The following NAALADL2 variants were observed in gnomAD, a reference collection of about 807,000 sequenced individuals.
The protein encoded by NAALADL2 is N-acetylated alpha-linked acidic dipeptidase like 2.
NAALADL2 carries 76 observed loss-of-function variants against 87.2 expected under a neutral mutation model. The ratio of observed to expected loss-of-function variants is 0.87; its 90% confidence interval spans 0.72 to 1.05. NAALADL2 has a LOEUF of 1.05. Among genes scored for constraint, NAALADL2 ranks in the 50% least tolerant of loss-of-function variants. The probability of loss-of-function intolerance (pLI) is 0.00; values close to 1 mark genes in which losing one functional copy is unlikely to be tolerated. For missense variants in NAALADL2, 1,089 were observed against 945.8 expected (o/e 1.15, Z -1.99); for synonymous variants, 354 against 331.0 (o/e 1.07, Z -0.75).
chr3:175,350,055 G>GAC (rs533196077), intron 5 of NAALADL2, among the ~76,000 whole-genome samples: 3 of 142,422 alleles, frequency 2.1e-5, no homozygotes, highest in African/African-American at 7.8e-5. Context: ...AGGCTTGATT[G>GAC]AAAAAAAAAA....
At chr3:175,096,584 T>C (rs906021317) in intron 1 of NAALADL2, among the ~76,000 whole-genome samples, 4 of 151,652 alleles carry the variant, frequency 2.6e-5, no homozygotes, top group Admixed American at 6.6e-5. Context: ...TCTACTTTCA[T>C]TTTTCTTTTG....
intron 2 of NAALADL2, among the ~76,000 whole-genome samples, chr3:175,104,294 C>A (rs1249180030): frequency 6.6e-6 from 1 of 152,090 alleles, no homozygotes; most frequent in African/African-American, 2.4e-5. Flanking sequence ...GCTGTGGAAT[C>A]CATGAAGAAC....
chr3:174,562,050 A>G (rs537381243), intron 2 of NAALADL2, among the ~76,000 whole-genome samples: 1 of 152,282 alleles, frequency 6.6e-6, no homozygotes, highest in Non-Finnish European at 1.5e-5. Flanking sequence ...CTACTAAATT[A>G]TTTTTAAAAG....
intron 1 of NAALADL2, among the ~76,000 whole-genome samples, chr3:175,013,000 TA>T (rs1750058499): frequency 8.2e-6 from 1 of 121,558 alleles, no homozygotes; most frequent in Non-Finnish European, 1.6e-5. Flanking sequence ...TATATACATA[TA>T]TATGTACATA....
chr3:175,520,005 A>C (rs1009918981), intron 9 of NAALADL2, among the ~76,000 whole-genome samples: 17 of 152,210 alleles, frequency 1.1e-4, no homozygotes, highest in Admixed American at 1.1e-3. Flanking sequence ...TTGAAGACTT[A>C]TCTGTGGGTT....
At chr3:175,169,472 T>TATATATATAA (rs1222830204) in intron 2 of NAALADL2, among the ~76,000 whole-genome samples, 50 of 151,010 alleles carry the variant, frequency 3.3e-4, no homozygotes, top group Middle Eastern at 6.9e-3. Flanking sequence ...TATATATATA[T>TATATATATAA]AATCTGTTGA....
intron 2 of NAALADL2, among the ~76,000 whole-genome samples, chr3:174,689,932 T>G (rs1252597755): frequency 1.3e-5 from 2 of 151,596 alleles, no homozygotes; most frequent in Non-Finnish European, 2.9e-5. Flanking sequence ...TACTGTACCT[T>G]TTCATGCATA....
At chr3:174,787,203 A>G (rs148623752) in intron 3 of NAALADL2, among the ~76,000 whole-genome samples, 1 of 152,034 alleles carries the variant, frequency 6.6e-6, no homozygotes, top group African/African-American at 2.4e-5. Context: ...ACATGATAAA[A>G]TTTTTATTTT....
chr3:175,763,510 T>A (rs1748307670), intron 13 of NAALADL2, among the ~76,000 whole-genome samples: 1 of 152,176 alleles, frequency 6.6e-6, no homozygotes, highest in African/African-American at 2.4e-5. Flanking sequence ...AGTCTTAAAA[T>A]GAGAGAGCAA....
At position 175,387,886 on chromosome 3, in the gene NAALADL2, A is replaced by T. The variant is rs145203415; in HGVS notation, c.1091-59343A>T. ...ATATTCTCAACTCTATGAAGAAAGT[A>T]TTATTATTACCATTTTACATTTGAA... On this transcript the variant is annotated intron_variant, in intron 5 of 13. Coordinates refer to ENST00000454872, the MANE Select transcript of NAALADL2 (RefSeq NM_207015.3). Among the ~76,000 whole-genome samples the T allele has an allele frequency of 1.3e-3, 204 of 152,238 alleles. 1 individual carries two copies. Among genetic ancestry groups the T allele is most frequent in the African/African-American group, 4.8e-3 (198 of 41,566 alleles).
chr3:174,998,925 A>C (rs959691722), intron 1 of NAALADL2, among the ~76,000 whole-genome samples: 1 of 152,212 alleles, frequency 6.6e-6, no homozygotes, highest in Non-Finnish European at 1.5e-5. Flanking sequence ...AAGAATTAAA[A>C]CTATCAACCT....
intron 10 of NAALADL2, among the ~76,000 whole-genome samples, chr3:175,611,590 ATGTCTTT>A: frequency 1.3e-5 from 2 of 152,210 alleles, no homozygotes; most frequent in South Asian, 4.2e-4. Flanking sequence ...TAGAACATCA[ATGTCTTT>A]TTAATTTCAC....
chr3:174,768,963 G>A (rs887582386), intron 3 of NAALADL2, among the ~76,000 whole-genome samples: 2 of 151,232 alleles, frequency 1.3e-5, no homozygotes, highest in East Asian at 1.9e-4. Context: ...TTAACTTATC[G>A]CTATGGGTTG....
intron 1 of NAALADL2, among the ~76,000 whole-genome samples, chr3:175,090,928 G>A (rs1316583605): frequency 6.6e-6 from 1 of 151,406 alleles, no homozygotes; most frequent in African/African-American, 2.4e-5. Flanking sequence ...TGCATTTACA[G>A]ATACTATAGC....
At chr3:174,986,344 G>C (rs2108680486) in intron 1 of NAALADL2, among the ~76,000 whole-genome samples, 1 of 145,760 alleles carries the variant, frequency 6.9e-6, no homozygotes, top group African/African-American at 2.5e-5. Flanking sequence ...ATTCCATAAG[G>C]ATTATTGTTA....
intron 1 of NAALADL2, among the ~76,000 whole-genome samples, chr3:174,963,245 A>G (rs1742378689): frequency 6.6e-6 from 1 of 152,174 alleles, no homozygotes; most frequent in Admixed American, 6.6e-5. Context: ...ATATTTTTAA[A>G]AAGGTACAAT....
At chr3:174,537,268 T>G (rs1311343662) in intron 1 of NAALADL2, among the ~76,000 whole-genome samples, 2 of 152,154 alleles carry the variant, frequency 1.3e-5, no homozygotes, top group African/African-American at 2.4e-5. Context: ...TTTTTTATTA[T>G]GGATATTAAA....
intron 2 of NAALADL2, among the ~76,000 whole-genome samples, chr3:175,132,941 A>C (rs560604263): frequency 1.3e-5 from 2 of 149,612 alleles, no homozygotes; most frequent in African/African-American, 5.0e-5. Context: ...GGCGGTTGCC[A>C]GACAGAGGGT....
chr3:175,087,373 C>A (rs1033912468), intron 1 of NAALADL2, among the ~76,000 whole-genome samples: 1 of 152,058 alleles, frequency 6.6e-6, no homozygotes. Flanking sequence ...AAGTGAGGAG[C>A]GCCTCTGCCC....
Sources: gnomAD v4.1 joint callset for allele counts (sites outside exome capture counted in the v4.1 genomes callset) on GRCh38, gnomAD v4.1.1 for gene constraint, MANE v1.5 for transcripts, NCBI Gene and HGNC (gene_info 2026-07-23, HGNC 2026-07-21) for gene names.